The following SLC22A15 variants were observed in gnomAD, a reference collection of about 807,000 sequenced individuals.
The protein encoded by SLC22A15 is flipt 1.
A neutral mutation model predicts 62.7 loss-of-function variants in SLC22A15; 45 were observed. That is an observed-to-expected ratio of 0.72 (90% CI 0.56 to 0.92). The LOEUF (loss-of-function observed/expected upper bound fraction) is 0.92. SLC22A15 is among the 40% of genes least tolerant of loss of function. The pLI, the probability that SLC22A15 is intolerant of heterozygous loss-of-function variation, is 0.00. For synonymous variants in SLC22A15, 264 were observed against 267.0 expected (o/e 0.99, Z 0.11); for missense variants, 622 against 665.6 (o/e 0.93, Z 0.72).
rs2101033227 is a variant in SLC22A15 at position 115,977,175 on chromosome 1, C to T, written c.87+461C>T. Among the ~76,000 whole-genome samples, 2 of 152,310 alleles carry T rather than the reference C, an allele frequency of 1.3e-5. 1 individual carries two copies. Among genetic ancestry groups the T allele is most frequent in the Admixed American group, 1.3e-4 (2 of 15,304 alleles). On this transcript the variant is annotated intron_variant, in intron 1 of 11. Coordinates refer to ENST00000369503, the MANE Select transcript of SLC22A15 (RefSeq NM_018420.3). Reference sequence around the variant, plus strand: ...AAAGGTTGTGTCTAGGATCGCCTCCCTCTGCGCCGGGTGTCCTCTGCCTCT... The same window carrying T: ...AAAGGTTGTGTCTAGGATCGCCTCCTTCTGCGCCGGGTGTCCTCTGCCTCT...
intron 8 of SLC22A15, among the ~76,000 whole-genome samples, chr1:116,044,845 G>A (rs536691812): frequency 6.6e-6 from 1 of 152,176 alleles, no homozygotes; most frequent in South Asian, 2.1e-4. Context: ...ACTTTAAAAT[G>A]CTGATGAGAA....
At chr1:116,020,952 T>A (rs902723570) in intron 4 of SLC22A15, 67 bp downstream of exon 4, 34 of 1,424,832 alleles carry the variant, frequency 2.4e-5, no homozygotes, top group Non-Finnish European at 3.0e-5. Flanking sequence ...GGGACCCAGT[T>A]TAATCCTAGA....
chr1:116,066,972 A>G (rs377266432), intron 11 of SLC22A15, 47 bp from the exon 12 acceptor site: 5 of 1,464,702 alleles, frequency 3.4e-6, no homozygotes, highest in Non-Finnish European at 4.7e-6. Context: ...CCATTTCAGA[A>G]ATGTCATAAC....
At chr1:116,039,985 T>C (rs769546075) in intron 8 of SLC22A15, among the ~76,000 whole-genome samples, 6 of 152,236 alleles carry the variant, frequency 3.9e-5, no homozygotes, top group Admixed American at 1.3e-4. Flanking sequence ...ATTTTCTGTT[T>C]GCATTTTGTG....
At chr1:116,000,043 G>T (rs1570707917) in intron 2 of SLC22A15, among the ~76,000 whole-genome samples, 1 of 152,038 alleles carries the variant, frequency 6.6e-6, no homozygotes, top group South Asian at 2.1e-4. Context: ...TTGGGTCTTG[G>T]TTTTTTTATC....
intron 5 of SLC22A15, among the ~76,000 whole-genome samples, chr1:116,028,354 C>A (rs1657206845): frequency 6.6e-6 from 1 of 151,682 alleles, no homozygotes; most frequent in Admixed American, 6.6e-5. Context: ...AAATGGGTGC[C>A]TACTATAGTA....
At chr1:116,007,310 C>G (rs1226403905) in intron 2 of SLC22A15, among the ~76,000 whole-genome samples, 1 of 152,248 alleles carries the variant, frequency 6.6e-6, no homozygotes, top group Non-Finnish European at 1.5e-5. Context: ...CACCCTCCCT[C>G]AGGGCTCTTT....
intron 8 of SLC22A15, among the ~76,000 whole-genome samples, chr1:116,060,910 A>G (rs1459107557): frequency 6.6e-6 from 1 of 152,182 alleles, no homozygotes; most frequent in Non-Finnish European, 1.5e-5. Flanking sequence ...GGAGTCTGGC[A>G]GAGTCTGGAC....
rs1658524037 is a variant in SLC22A15 at position 116,067,339 on chromosome 1, G to T, written c.*231G>T. The stretch of plus-strand genomic sequence containing the variant: ...AGTTGTTAATTTGTTTAGAATTTAA[G>T]TTCTACTCAGAATCATAACATCTGG... On this transcript the variant is annotated 3_prime_UTR_variant, in exon 12 of 12. Transcript: ENST00000369503. 4.1e-6 allele frequency: 2 copies of T among 482,974 alleles called. No homozygotes were observed. Among genetic ancestry groups the T allele is most frequent in the Non-Finnish European group, 7.4e-6 (2 of 271,306 alleles). 29.9% of individuals were successfully genotyped at this position (482,974 alleles called of 1,614,324 possible). A position where few individuals can be genotyped will look rare whatever the true frequency, so the allele number is the denominator to read the frequency against.
chr1:116,062,667 A>G (rs1377328701), intron 8 of SLC22A15, 95 bp from the exon 9 acceptor site: 29 of 1,456,750 alleles, frequency 2.0e-5, no homozygotes, highest in South Asian at 4.8e-5. Context: ...TTTGAGATCA[A>G]CATGAATGCC....
chr1:115,982,521 A>T (rs921116522), intron 1 of SLC22A15, among the ~76,000 whole-genome samples: 6 of 152,138 alleles, frequency 3.9e-5, no homozygotes, highest in Non-Finnish European at 7.3e-5. Context: ...TGGCTGTAGC[A>T]TGGTATTTCA....
In SLC22A15 at chr1:116,064,442, T is replaced by C. The variant is rs747180012; in HGVS notation, c.1299T>C (p.Val433=). 1 of 1,612,774 alleles carries C rather than the reference T, an allele frequency of 6.2e-7. No homozygotes were observed. Among genetic ancestry groups the C allele is most frequent in the Admixed American group, 1.7e-5 (1 of 59,990 alleles). Reference sequence around the variant, plus strand: ...TTTTACTTATGCTTTTCAGGAATGTTGGGCTTGGAACTTGTTCCATGTTCT... The same window carrying C: ...TTTTACTTATGCTTTTCAGGAATGTCGGGCTTGGAACTTGTTCCATGTTCT... The part of the protein sequence containing the change: ...SELYPTVIRN[V]GLGTCSMFSR... The change falls in exon 10 of 12, where the codon GTT becomes GTC. Residue 433 remains valine (V), a synonymous_variant. Transcript: ENST00000369503.
chr1:116,038,735 A>G (rs1398200770), intron 8 of SLC22A15, among the ~76,000 whole-genome samples: 1 of 152,158 alleles, frequency 6.6e-6, no homozygotes, highest in Non-Finnish European at 1.5e-5. Context: ...GTAGTTTTAT[A>G]TTCAGCAGAT....
At chr1:116,057,715 T>A (rs1658253970) in intron 8 of SLC22A15, among the ~76,000 whole-genome samples, 1 of 152,174 alleles carries the variant, frequency 6.6e-6, no homozygotes, top group Non-Finnish European at 1.5e-5. Context: ...CACCATGGAA[T>A]ACTATACAGC....
At chr1:115,981,571 A>G (rs1190133574) in intron 1 of SLC22A15, among the ~76,000 whole-genome samples, 1 of 152,208 alleles carries the variant, frequency 6.6e-6, no homozygotes, top group African/African-American at 2.4e-5. Flanking sequence ...GTTGTTGTCC[A>G]TAGACAGACA....
intron 5 of SLC22A15, among the ~76,000 whole-genome samples, chr1:116,028,706 C>T (rs559224694): frequency 1.3e-5 from 2 of 152,162 alleles, no homozygotes; most frequent in East Asian, 3.9e-4. Flanking sequence ...GTAAGGCTTC[C>T]CACAGTCAGC....
At chr1:115,993,979 A>G (rs996804443) in intron 2 of SLC22A15, among the ~76,000 whole-genome samples, 3 of 152,090 alleles carry the variant, frequency 2.0e-5, no homozygotes, top group Non-Finnish European at 4.4e-5. Context: ...TCTAAGGCTC[A>G]CTTTCAGTGT....
In SLC22A15 at chr1:116,066,599, C is replaced by G. The variant is rs541129652; in HGVS notation, c.1445C>G (p.Pro482Arg). ...TCCGGCCTCCTGAGTTTGTTATTGC[C>G]GGAGACCCTTAACAGTCCGCTGCTA... ...LTSGLLSLLL[P>R]ETLNSPLLET... Residue 482 changes from proline to arginine, a missense_variant, in exon 11 of 12, where the codon CCG becomes CGG. Physicochemically the swap from Pro to Arg is moderately radical, Grantham distance 103 (BLOSUM62 -2). Transcript: ENST00000369503. 6.2e-7 allele frequency: 1 copy of G among 1,609,258 alleles called. No individual in the cohort carries two copies. Among genetic ancestry groups the G allele is most frequent in the Non-Finnish European group, 8.5e-7 (1 of 1,177,908 alleles).
chr1:115,995,180 A>C (rs1570700604), intron 2 of SLC22A15, among the ~76,000 whole-genome samples: 1 of 152,270 alleles, frequency 6.6e-6, no homozygotes, highest in East Asian at 1.9e-4. Flanking sequence ...ATCTGCCCTT[A>C]GTGGTGATGT....
Sources: gnomAD v4.1 joint callset for allele counts (sites outside exome capture counted in the v4.1 genomes callset) on GRCh38, gnomAD v4.1.1 for gene constraint, MANE v1.5 for transcripts, NCBI Gene and HGNC (gene_info 2026-07-23, HGNC 2026-07-21) for gene names.